The following ERBB4 variants were observed in gnomAD, a reference collection of about 807,000 sequenced individuals.
ERBB4 encodes the protein erb-b2 receptor tyrosine kinase 4.
Under a neutral mutation model 158.0 loss-of-function variants are expected in ERBB4, and 42 were observed. The ratio of observed to expected loss-of-function variants is 0.27; its 90% confidence interval spans 0.21 to 0.34. The LOEUF is 0.34. Among genes scored for constraint, ERBB4 ranks in the 10% least tolerant of loss-of-function variants. ERBB4 has a pLI of 1.00. For missense variants in ERBB4, 1,333 were observed against 1,624.1 expected, an observed-to-expected ratio of 0.82 and a Z score of 3.08; for synonymous variants, 583 against 558.7, an observed-to-expected ratio of 1.04 and a Z score of -0.61.
intron 16 of ERBB4, among the ~76,000 whole-genome samples, chr2:211,651,919 C>T (rs1436664019): frequency 6.6e-6 from 1 of 152,154 alleles, no homozygotes; most frequent in Non-Finnish European, 1.5e-5. Context: ...CTATGCCATG[C>T]CTGTAATTTT....
intron 3 of ERBB4, among the ~76,000 whole-genome samples, chr2:211,932,442 A>G (rs188679576): frequency 6.6e-6 from 1 of 152,058 alleles, no homozygotes; most frequent in East Asian, 1.9e-4. Context: ...TGGATTGTCA[A>G]CTGTTTGCCC....
intron 3 of ERBB4, among the ~76,000 whole-genome samples, chr2:211,809,721 C>T (rs758814311): frequency 2.6e-5 from 4 of 151,952 alleles, no homozygotes; most frequent in South Asian, 2.1e-4. Flanking sequence ...TTATTTCTTG[C>T]CTTCTGCTAG....
chr2:212,401,003 T>C (rs1049473650), intron 1 of ERBB4, among the ~76,000 whole-genome samples: 1 of 152,196 alleles, frequency 6.6e-6, no homozygotes, highest in African/African-American at 2.4e-5. Flanking sequence ...TGCTAGAGAA[T>C]GCTATGTTTT....
At chr2:212,529,146 A>G (rs549547624) in intron 1 of ERBB4, among the ~76,000 whole-genome samples, 1 of 152,276 alleles carries the variant, frequency 6.6e-6, no homozygotes, top group East Asian at 1.9e-4. Flanking sequence ...TGAGCTTCTT[A>G]TATTTCCTCT....
chr2:212,146,521 A>T (rs1299988499), intron 1 of ERBB4, among the ~76,000 whole-genome samples: 7 of 152,100 alleles, frequency 4.6e-5, no homozygotes, highest in Non-Finnish European at 7.4e-5. Flanking sequence ...AAGTCAGCAA[A>T]CTTGAGGACC....
chr2:212,163,565 T>C (rs1466732659), intron 1 of ERBB4, among the ~76,000 whole-genome samples: 2 of 151,998 alleles, frequency 1.3e-5, no homozygotes, highest in South Asian at 2.1e-4. Context: ...ATAATGGCTC[T>C]TAGAATAATG....
At chr2:211,799,504 A>T (rs2076452965) in intron 3 of ERBB4, among the ~76,000 whole-genome samples, 1 of 152,222 alleles carries the variant, frequency 6.6e-6, no homozygotes, top group African/African-American at 2.4e-5. Flanking sequence ...AGATGCCAAC[A>T]TTCAAGAAGG....
chr2:212,176,886 G>C (rs1371036128), intron 1 of ERBB4, among the ~76,000 whole-genome samples: 2 of 151,852 alleles, frequency 1.3e-5, no homozygotes, highest in Non-Finnish European at 2.9e-5. Flanking sequence ...CATTATCATA[G>C]AGGCTAGCAT....
At chr2:211,815,265 A>C (rs976187208) in intron 3 of ERBB4, among the ~76,000 whole-genome samples, 1 of 152,198 alleles carries the variant, frequency 6.6e-6, no homozygotes, top group Non-Finnish European at 1.5e-5. Flanking sequence ...ACATATAGTA[A>C]ATTATAAAAA....
chr2:211,840,653 G>C (rs71409859), intron 3 of ERBB4, among the ~76,000 whole-genome samples: 29,158 of 151,988 alleles, frequency 0.19, 3,121 homozygotes, highest in South Asian at 0.33. Context: ...TCTCCTAATA[G>C]TGCAAGTTCT....
chr2:211,579,696 C>A (rs1336967848), intron 19 of ERBB4, among the ~76,000 whole-genome samples: 2 of 151,592 alleles, frequency 1.3e-5, no homozygotes, highest in Non-Finnish European at 2.9e-5. Context: ...ACTAACACAA[C>A]AACAGAAAAC....
intron 20 of ERBB4, among the ~76,000 whole-genome samples, chr2:211,466,617 A>T (rs1017944833): frequency 3.9e-5 from 6 of 152,162 alleles, no homozygotes; most frequent in Non-Finnish European, 8.8e-5. Flanking sequence ...TAAACACCAC[A>T]CACCTGTGAC....
At chr2:211,634,832 C>A (rs1335610270) in intron 16 of ERBB4, among the ~76,000 whole-genome samples, 1 of 152,112 alleles carries the variant, frequency 6.6e-6, no homozygotes, top group Admixed American at 6.6e-5. Context: ...TGACTGCCAC[C>A]ATGCCCAATT....
At chr2:211,722,653 G>A in intron 6 of ERBB4, 119 bp from the exon 7 acceptor site, 1 of 1,084,174 alleles carries the variant, frequency 9.2e-7, no homozygotes. Flanking sequence ...TACAAAATTT[G>A]ATAATTTAAG....
At chr2:212,129,356 G>A (rs2125581675) in intron 1 of ERBB4, among the ~76,000 whole-genome samples, 1 of 151,314 alleles carries the variant, frequency 6.6e-6, no homozygotes, top group Non-Finnish European at 1.5e-5. Context: ...TACTGTAACT[G>A]CAATATCTAG....
At chr2:211,524,424 A>AGC (rs1559258472) in intron 20 of ERBB4, among the ~76,000 whole-genome samples, 6 of 146,558 alleles carry the variant, frequency 4.1e-5, no homozygotes, top group African/African-American at 1.4e-4. Flanking sequence ...GCCGTGGAGC[A>AGC]GGGGGTGGTG....
At chr2:212,322,482 T>C (rs1439272866) in intron 1 of ERBB4, among the ~76,000 whole-genome samples, 1 of 150,628 alleles carries the variant, frequency 6.6e-6, no homozygotes, top group Non-Finnish European at 1.5e-5. Flanking sequence ...ACTAAATGTC[T>C]TCTAGAATAT....
chr2:211,962,830 G>T (rs1359486178), intron 2 of ERBB4, among the ~76,000 whole-genome samples: 4 of 152,126 alleles, frequency 2.6e-5, no homozygotes, highest in East Asian at 3.9e-4. Context: ...TGGGAGACTT[G>T]GTTGATGGCG....
chr2:212,467,768 C>G (rs921562810), intron 1 of ERBB4, among the ~76,000 whole-genome samples: 11 of 152,154 alleles, frequency 7.2e-5, no homozygotes, highest in African/African-American at 2.7e-4. Flanking sequence ...AGAGGGCCAC[C>G]GTCCTCCAGA....
Sources: gnomAD v4.1 joint callset for allele counts (sites outside exome capture counted in the v4.1 genomes callset) on GRCh38, gnomAD v4.1.1 for gene constraint, MANE v1.5 for transcripts, NCBI Gene and HGNC (gene_info 2026-07-23, HGNC 2026-07-21) for gene names.